PPFIBP2: variants seen among roughly 807,000 people sequenced by gnomAD.
PPFIBP2 encodes the protein PPFIB scaffold protein 2.
PPFIBP2 carries 118 observed loss-of-function variants against 118.3 expected under a neutral mutation model. That is an observed-to-expected ratio of 1.00 (90% CI 0.86 to 1.16). The LOEUF (loss-of-function observed/expected upper bound fraction) is 1.16. Ranked by LOEUF, PPFIBP2 falls within the 50% of genes most tolerant of loss-of-function variation. PPFIBP2 has a pLI of 0.00. For synonymous variants in PPFIBP2, 414 were observed against 397.4 expected (o/e 1.04, Z -0.50); for missense variants, 1,195 against 1,073.1 (o/e 1.11, Z -1.59).
At chr11:7,526,213 G>A (rs548664789) in intron 1 of PPFIBP2, among the ~76,000 whole-genome samples, 2 of 152,310 alleles carry the variant, frequency 1.3e-5, no homozygotes, top group South Asian at 2.1e-4. Context: ...CTAAAGTGCT[G>A]TAAGATTTTG....
chr11:7,594,143 C>G (rs1859855321), intron 4 of PPFIBP2, among the ~76,000 whole-genome samples: 1 of 151,398 alleles, frequency 6.6e-6, no homozygotes, highest in Admixed American at 6.6e-5. Context: ...TGTTTTTTCT[C>G]TTTTTACCTT....
rs920750697 is a variant in PPFIBP2, at chr11:7,648,267, T to C, written c.1647-120T>C. 28 of 1,184,156 alleles carry C rather than the reference T, an allele frequency of 2.4e-5. No homozygotes were observed. The South Asian group carries it at 4.6e-4, about 20-fold the overall frequency. The allele number at this position is 1,184,156 out of a possible 1,614,324, so 73.4% of individuals were successfully genotyped here. A position where few individuals can be genotyped will look rare whatever the true frequency, so the allele number is the denominator to read the frequency against. On this transcript the variant is annotated intron_variant, in intron 17 of 23. Transcript: ENST00000299492. ...AGAATCCCATGATGGAGGTTGTTTG[T>C]TAAAAAACAGGTTTTTTGTTTTGTT... is the stretch of plus-strand genomic sequence containing the variant.
intron 2 of PPFIBP2, among the ~76,000 whole-genome samples, chr11:7,559,536 T>G (rs925245234): frequency 3.9e-5 from 6 of 152,116 alleles, no homozygotes; most frequent in Non-Finnish European, 8.8e-5. Flanking sequence ...TAGTAGAAAT[T>G]TGGCACTATA....
Position 7,639,725 on chromosome 11 carries a change from C to G in PPFIBP2, c.1237-7C>G. The G allele has an allele frequency of 6.2e-7, 1 of 1,614,070 alleles. No individual in the cohort carries two copies. Among genetic ancestry groups the G allele is most frequent in the African/African-American group, 1.3e-5 (1 of 75,070 alleles). On this transcript the variant is annotated splice_region_variant and splice_polypyrimidine_tract_variant and intron_variant, in intron 14 of 23. Coordinates refer to ENST00000299492, the MANE Select transcript of PPFIBP2 (RefSeq NM_003621.5). ...GGTATCTCTCTCTTTCTCTCACCTTCCAATAGGACAGCCCTTTCTTGGCGG... is the reference window on the plus strand; with the variant it reads ...GGTATCTCTCTCTTTCTCTCACCTTGCAATAGGACAGCCCTTTCTTGGCGG...
In PPFIBP2 at chr11:7,561,786, A is replaced by C. The variant is rs118105184; in HGVS notation, c.65-3767A>C. On this transcript the variant is annotated intron_variant, in intron 2 of 23. Transcript: ENST00000299492. ...TAATAAACATTTATCATCTGTTTCT[A>C]TCTGCCAGGAATTCAGGAGCGGTTT... Among the ~76,000 whole-genome samples, 130 of 152,324 alleles carry C rather than the reference A, an allele frequency of 8.5e-4. 2 individuals are homozygous for C. In the East Asian group the frequency reaches 0.022, roughly 25 times the overall value.
downstream of PPFIBP2, among the ~76,000 whole-genome samples, chr11:7,658,118 A>G (rs77747643): frequency 0.062 from 9,462 of 152,184 alleles, 826 homozygotes; most frequent in African/African-American, 0.2. Context: ...CTCCAATATT[A>G]GTTTCTGCAG....
intron 14 of PPFIBP2, among the ~76,000 whole-genome samples, chr11:7,637,303 C>T (rs528370364): frequency 1.3e-5 from 2 of 152,354 alleles, no homozygotes; most frequent in East Asian, 3.9e-4. Context: ...TGACCAGTGC[C>T]TGCCGTGGTC....
At chr11:7,529,776 G>C (rs938302353) in intron 1 of PPFIBP2, among the ~76,000 whole-genome samples, 2 of 152,224 alleles carry the variant, frequency 1.3e-5, no homozygotes, top group African/African-American at 4.8e-5. Flanking sequence ...CCTGTTCACT[G>C]TTCCTAAGCA....
intron 2 of PPFIBP2, among the ~76,000 whole-genome samples, chr11:7,563,865 G>C (rs747351899): frequency 6.6e-6 from 1 of 152,098 alleles, no homozygotes; most frequent in Non-Finnish European, 1.5e-5. Flanking sequence ...TGTTAAATAG[G>C]TGTAAGAATG....
chr11:7,532,867 A>G (rs1233528107), intron 1 of PPFIBP2, among the ~76,000 whole-genome samples: 1 of 152,250 alleles, frequency 6.6e-6, no homozygotes, highest in African/African-American at 2.4e-5. Context: ...GAAGGCTCAA[A>G]TTACAGAATA....
intron 4 of PPFIBP2, among the ~76,000 whole-genome samples, chr11:7,594,224 C>G (rs1053564799): frequency 6.6e-6 from 1 of 151,976 alleles, no homozygotes; most frequent in African/African-American, 2.4e-5. Context: ...CTTTAAAATT[C>G]TAAAAATGTG....
intron 2 of PPFIBP2, among the ~76,000 whole-genome samples, chr11:7,554,611 TG>T (rs1853371074): frequency 6.6e-6 from 1 of 152,082 alleles, no homozygotes; most frequent in African/African-American, 2.4e-5. Context: ...GTGGTAAATA[TG>T]CCCCTCCAGA....
rs370975745 is a variant in PPFIBP2 at position 7,631,052 on chromosome 11, T to G, written c.1068+24T>G. On this transcript the variant is annotated intron_variant, in intron 11 of 23. Coordinates refer to ENST00000299492, the MANE Select transcript of PPFIBP2 (RefSeq NM_003621.5). ...AGGTACTGTGTTTCCATCCATGACG[T>G]AGGGTTTCAGCAGGTCCTCCGAGCT... 82 of 1,587,126 alleles carry G rather than the reference T, an allele frequency of 5.2e-5. No individual in the cohort carries two copies. In the East Asian group the frequency reaches 7.8e-4, roughly 15 times the overall value.
chr11:7,603,715 C>T (rs1590519087), intron 5 of PPFIBP2, among the ~76,000 whole-genome samples: 1 of 152,092 alleles, frequency 6.6e-6, no homozygotes, highest in African/African-American at 2.4e-5. Context: ...TGAGTTGCTC[C>T]GAGATATAAA....
chr11:7,610,564 T>C (rs1668854180), intron 6 of PPFIBP2, 142 bp downstream of exon 6: 2 of 1,192,890 alleles, frequency 1.7e-6, no homozygotes, highest in African/African-American at 1.5e-5. Context: ...GATCTGTTAA[T>C]ACCAAGTTAT....
chr11:7,610,530 A>G, intron 6 of PPFIBP2, 108 bp downstream of exon 6: 1 of 1,435,298 alleles, frequency 7.0e-7, no homozygotes, highest in Non-Finnish European at 9.5e-7. Context: ...GGTGCCAGAA[A>G]TATCTATACA....
chr11:7,575,964 T>A (rs1427462177), intron 3 of PPFIBP2, among the ~76,000 whole-genome samples: 1 of 152,190 alleles, frequency 6.6e-6, no homozygotes, highest in Admixed American at 6.5e-5. Flanking sequence ...CCTCCCCTTA[T>A]GCCAGCTGCT....
chr11:7,649,561 C>T lies in PPFIBP2; in HGVS notation c.2028C>T (p.Ser676=). The T allele has an allele frequency of 6.2e-7, 1 of 1,614,196 alleles. No individual in the cohort carries two copies. Among genetic ancestry groups the T allele is most frequent in the Admixed American group, 1.7e-5 (1 of 60,022 alleles). Residue 676 remains serine (S), a synonymous_variant, in exon 21 of 24, where the codon AGC becomes AGT. Transcript: ENST00000299492. ...ATTTACTCTTCTTAAAAGTCACCAG[C>T]CAACTACATCATCTCAGCATCAAAT... ...VNDLLFLKVT[S]QLHHLSIKCA...
At position 7,642,381 on chromosome 11, in the gene PPFIBP2, C is replaced by G. The variant is rs202087878; in HGVS notation, c.1601C>G (p.Ala534Gly). 2.0e-4 allele frequency: 319 copies of G among 1,613,952 alleles called. 2 individuals carry two copies. Among genetic ancestry groups the G allele is most frequent in the South Asian group, 4.5e-4 (41 of 91,064 alleles). ...EFRRGGLRAT[A>G]GPRLSRTRDS... ...CGACGAGGTGGGCTCCGGGCAACCG[C>G]AGGGCCAAGACTCTCTAGGACCAGG... Residue 534 changes from alanine to glycine, a missense_variant, in exon 17 of 24, where the codon GCA (alanine) becomes GGA (glycine). Ala to Gly is a moderately conservative substitution (Grantham distance 60). Coordinates refer to ENST00000299492, the MANE Select transcript of PPFIBP2 (RefSeq NM_003621.5).
Sources: allele counts gnomAD v4.1 joint callset (sites outside exome capture counted in the v4.1 genomes callset), GRCh38; gene constraint gnomAD v4.1.1; transcripts MANE v1.5; gene names NCBI Gene and HGNC (gene_info 2026-07-23, HGNC 2026-07-21).